The following VAT1L variants were observed in gnomAD, a reference collection of about 807,000 sequenced individuals.
VAT1L encodes the protein putative NADPH-dependent quinone oxidoreductase VAT1L.
In VAT1L, 34 loss-of-function variants were observed where a neutral mutation model predicts 44.1. The observed-to-expected ratio is 0.77, with a 90% CI of 0.59 to 1.03. VAT1L has a LOEUF of 1.03. Among genes scored for constraint, VAT1L ranks in the 50% least tolerant of loss-of-function variants. The probability of loss-of-function intolerance (pLI) is 0.00; values close to 1 mark genes in which losing one functional copy is unlikely to be tolerated. For synonymous variants in VAT1L, 253 were observed against 202.2 expected (o/e 1.25, Z -2.13); for missense variants, 615 against 538.8 (o/e 1.14, Z -1.40).
intron 7 of VAT1L, among the ~76,000 whole-genome samples, chr16:77,952,419 G>C (rs60231974): frequency 0.13 from 20,511 of 151,964 alleles, 1,618 homozygotes; most frequent in East Asian, 0.23. Context: ...ACCAGACCTG[G>C]TAGTTTAAAA....
At chr16:77,954,526 G>A (rs953013158) in intron 7 of VAT1L, among the ~76,000 whole-genome samples, 2 of 152,186 alleles carry the variant, frequency 1.3e-5, no homozygotes, top group Admixed American at 1.3e-4. Flanking sequence ...TCAAGAGGCT[G>A]AGGCAGGAGA....
At chr16:77,923,015 T>G (rs2017628721) in intron 7 of VAT1L, among the ~76,000 whole-genome samples, 1 of 152,208 alleles carries the variant, frequency 6.6e-6, no homozygotes, top group Non-Finnish European at 1.5e-5. Flanking sequence ...TGCAGCCTGT[T>G]AAAAGTCAGC....
intron 4 of VAT1L, among the ~76,000 whole-genome samples, chr16:77,868,680 C>T (rs1413851758): frequency 1.3e-5 from 2 of 152,202 alleles, no homozygotes; most frequent in African/African-American, 4.8e-5. Context: ...CGGCTTGCTC[C>T]TCAGCCAGGG....
At chr16:77,839,232 T>G (rs556443945) in intron 3 of VAT1L, among the ~76,000 whole-genome samples, 4 of 151,798 alleles carry the variant, frequency 2.6e-5, no homozygotes, top group Non-Finnish European at 5.9e-5. Context: ...GGATACAGTG[T>G]TTTAAGAATG....
chr16:77,824,664 G>C (rs1294201337), intron 2 of VAT1L, among the ~76,000 whole-genome samples: 1 of 150,444 alleles, frequency 6.6e-6, no homozygotes, highest in African/African-American at 2.4e-5. Context: ...GCTGAGGCAG[G>C]AGAATAGCGT....
intron 3 of VAT1L, among the ~76,000 whole-genome samples, chr16:77,852,995 G>A (rs1597067339): frequency 6.6e-6 from 1 of 152,220 alleles, no homozygotes; most frequent in African/African-American, 2.4e-5. Flanking sequence ...AGTAAACTCT[G>A]TGGAGCTGGA....
intron 7 of VAT1L, among the ~76,000 whole-genome samples, chr16:77,950,409 AACACACACACACACACAC>A (rs61168492): frequency 3.0e-5 from 4 of 131,474 alleles, no homozygotes; most frequent in South Asian, 2.4e-4. Flanking sequence ...ATTCCATCTA[AACACACACACACACACAC>A]ACACACACAC....
intron 7 of VAT1L, among the ~76,000 whole-genome samples, chr16:77,898,854 G>A (rs1173765985): frequency 6.6e-6 from 1 of 152,208 alleles, no homozygotes. Context: ...GCTCTGAACA[G>A]CACAAATGAT....
At chr16:77,977,320 T>C (rs533815840) in intron 8 of VAT1L, among the ~76,000 whole-genome samples, 4 of 152,288 alleles carry the variant, frequency 2.6e-5, no homozygotes, top group East Asian at 3.9e-4. Flanking sequence ...ATACCCTGCA[T>C]TGGATTCTTC....
chr16:77,868,806 GC>G (rs2017001719), intron 4 of VAT1L, among the ~76,000 whole-genome samples: 1 of 152,168 alleles, frequency 6.6e-6, no homozygotes, highest in African/African-American at 2.4e-5. Flanking sequence ...GGATCATTCT[GC>G]TATCGGTGGC....
chr16:77,810,647 G>C (rs994954029), intron 1 of VAT1L, among the ~76,000 whole-genome samples: 1 of 152,074 alleles, frequency 6.6e-6, no homozygotes, highest in Non-Finnish European at 1.5e-5. Context: ...TCCAGCCTGG[G>C]TGACAGAGCT....
At position 77,842,611 on chromosome 16, in the gene VAT1L, G is replaced by T. The variant is rs116446822; in HGVS notation, c.579+17150G>T. The stretch of plus-strand genomic sequence containing the variant: ...ACATGATACTTTGAGAGAGCTGTAA[G>T]AATCGGGTATGGCCAAAGCCAGGGG... On this transcript the variant is annotated intron_variant, in intron 3 of 8. Coordinates refer to ENST00000302536, the MANE Select transcript of VAT1L (RefSeq NM_020927.3). Among the ~76,000 whole-genome samples, 1,203 of 152,314 alleles carry T rather than the reference G, an allele frequency of 7.9e-3. 13 individuals are homozygous for T. Among genetic ancestry groups the T allele is most frequent in the African/African-American group, 0.027 (1,122 of 41,564 alleles).
At chr16:77,795,821 T>C (rs866102758) in intron 1 of VAT1L, among the ~76,000 whole-genome samples, 6,699 of 112,006 alleles carry the variant, frequency 0.06, 179 homozygotes, top group Admixed American at 0.1. Context: ...CTCTTTTTTT[T>C]TTTTTTTTTT....
intron 4 of VAT1L, among the ~76,000 whole-genome samples, chr16:77,864,707 G>C (rs1189072728): frequency 6.6e-6 from 1 of 152,218 alleles, no homozygotes; most frequent in Non-Finnish European, 1.5e-5. Context: ...TTTTAGAACA[G>C]ATTTGGTGAA....
At chr16:77,810,731 G>C (rs1222997278) in intron 1 of VAT1L, among the ~76,000 whole-genome samples, 2 of 152,118 alleles carry the variant, frequency 1.3e-5, no homozygotes, top group Admixed American at 1.3e-4. Flanking sequence ...GAGCTTCCTA[G>C]CAGCCAATGC....
At chr16:77,959,369 A>G (rs1373397826) in intron 7 of VAT1L, among the ~76,000 whole-genome samples, 2 of 152,232 alleles carry the variant, frequency 1.3e-5, no homozygotes, top group African/African-American at 2.4e-5. Flanking sequence ...CCTACTTGCA[A>G]TGAACATGTT....
chr16:77,802,272 C>T (rs1163748633), intron 1 of VAT1L, among the ~76,000 whole-genome samples: 4 of 152,112 alleles, frequency 2.6e-5, no homozygotes, highest in Non-Finnish European at 5.9e-5. Context: ...AATGGAGACC[C>T]AGCTTCCAAA....
chr16:77,813,911 A>G (rs1028126596), intron 1 of VAT1L, among the ~76,000 whole-genome samples: 1 of 152,228 alleles, frequency 6.6e-6, no homozygotes, highest in African/African-American at 2.4e-5. Flanking sequence ...AGCTATAAAC[A>G]TGGCTCTTGT....
chr16:77,867,628 G>A (rs2016989063), intron 4 of VAT1L, among the ~76,000 whole-genome samples: 1 of 152,072 alleles, frequency 6.6e-6, no homozygotes, highest in Admixed American at 6.6e-5. Flanking sequence ...GGAGGCCGAG[G>A]CAGGAGGATC....
Sources: gnomAD v4.1 joint callset for allele counts (sites outside exome capture counted in the v4.1 genomes callset) on GRCh38, gnomAD v4.1.1 for gene constraint, MANE v1.5 for transcripts, NCBI Gene and HGNC (gene_info 2026-07-23, HGNC 2026-07-21) for gene names.